The following UMOD variants were observed in gnomAD, a reference collection of about 807,000 sequenced individuals.
The protein encoded by UMOD is uromodulin.
A neutral mutation model predicts 66.0 loss-of-function variants in UMOD; 64 were observed. The observed-to-expected ratio is 0.97, with a 90% CI of 0.79 to 1.19. The LOEUF (loss-of-function observed/expected upper bound fraction) is 1.19, where lower values mean the gene tolerates loss of function less well. Among genes scored for constraint, UMOD ranks in the 50% most tolerant of loss-of-function variants. The pLI is 0.00. For synonymous variants in UMOD, 398 were observed against 352.7 expected (o/e 1.13, Z -1.44); for missense variants, 764 against 850.9 (o/e 0.90, Z 1.27).
chr16:20,355,651 C>T (rs1025076073), upstream of UMOD, among the ~76,000 whole-genome samples: 23 of 152,014 alleles, frequency 1.5e-4, no homozygotes, highest in African/African-American at 4.3e-4. Flanking sequence ...CTGCCTGCCT[C>T]GGCCTCCCAA....
intron 7 of UMOD, among the ~76,000 whole-genome samples, chr16:20,337,989 G>A (rs886512495): frequency 2.6e-5 from 4 of 152,210 alleles, no homozygotes; most frequent in Non-Finnish European, 5.9e-5. Context: ...CATGTGCTGG[G>A]CTGGGTCAGG....
In UMOD at chr16:20,337,437, C is replaced by A. The variant is rs770430928; in HGVS notation, c.1594G>T (p.Asp532Tyr). 6.2e-7 allele frequency: 1 copy of A among 1,614,156 alleles called. No individual in the cohort carries two copies. The highest frequency in any genetic ancestry group is 8.5e-7 in the Non-Finnish European group (1 of 1,180,032). Residue 532 changes from aspartate (D) to tyrosine (Y), a missense_variant, in exon 8 of 11, where the codon GAC (aspartate) becomes TAC (tyrosine). Physicochemically the swap from Asp to Tyr is radical, Grantham distance 160. Coordinates refer to ENST00000396138, the MANE Select transcript of UMOD (RefSeq NM_003361.4). Reference protein sequence around the residue: ...IIQDRCPHTRDSTIQVVENGE... With the variant: ...IIQDRCPHTRYSTIQVVENGE... Reference sequence around the variant, plus strand: ...TTCTCCACCACTTGGATAGTTGAGTCTCTAGTGTGTGGGCATCTGGGAGGG... The same window carrying A: ...TTCTCCACCACTTGGATAGTTGAGTATCTAGTGTGTGGGCATCTGGGAGGG...
At chr16:20,346,930 G>A (rs1010133151) in intron 4 of UMOD, among the ~76,000 whole-genome samples, 1 of 151,940 alleles carries the variant, frequency 6.6e-6, no homozygotes, top group African/African-American at 2.4e-5. Flanking sequence ...CAAGCAAGCT[G>A]CAATTACTTT....
intron 10 of UMOD, among the ~76,000 whole-genome samples, chr16:20,333,685 T>A (rs1437869848): frequency 6.6e-6 from 1 of 151,884 alleles, no homozygotes; most frequent in Non-Finnish European, 1.5e-5. Context: ...CTCTTAGGAG[T>A]GCTGTGACTC....
chr16:20,352,750 T>G, upstream of UMOD: 1 of 1,231,590 alleles, frequency 8.1e-7, no homozygotes, highest in Non-Finnish European at 1.0e-6. Context: ...ATATACACAT[T>G]TGCCCCAGGC....
chr16:20,350,559 C>A, intron 2 of UMOD, 91 bp downstream of exon 2: 1 of 1,493,970 alleles, frequency 6.7e-7, no homozygotes, highest in Non-Finnish European at 9.2e-7. Context: ...GGATTGAGAT[C>A]ACCTCTGACA....
chr16:20,342,778 G>A (rs1011314536), intron 6 of UMOD, among the ~76,000 whole-genome samples: 2 of 152,186 alleles, frequency 1.3e-5, no homozygotes, highest in African/African-American at 4.8e-5. Flanking sequence ...AGAGTTTGAT[G>A]AGATGTTCCA....
rs1965394057 is a variant in UMOD, at chr16:20,344,079, A to T, written c.1276T>A (p.Ser426Thr). ...CTGACTTTCATGTCCAGGGGGTAGG[A>T]GCATGCAAAGTTGATTTTGATGTTG... Reference protein sequence around the residue: ...DLNIKINFACSYPLDMKVSLK... With the variant: ...DLNIKINFACTYPLDMKVSLK... Residue 426 changes from serine (S) to threonine (T), a missense_variant, in exon 6 of 11, where the codon TCC becomes ACC. Physicochemically the swap from Ser to Thr is moderately conservative, Grantham distance 58 (BLOSUM62 1). Coordinates refer to ENST00000396138, the MANE Select transcript of UMOD (RefSeq NM_003361.4). 6.2e-7 allele frequency: 1 copy of T among 1,612,882 alleles called. No homozygotes were observed. The highest frequency in any genetic ancestry group is 1.1e-5 in the South Asian group (1 of 91,026).
intron 8 of UMOD, 115 bp downstream of exon 8, chr16:20,337,176 C>T: frequency 2.1e-6 from 3 of 1,401,302 alleles, no homozygotes; most frequent in East Asian, 4.9e-5. Flanking sequence ...CATCTTATTG[C>T]TCATTCTATC....
At chr16:20,337,539 C>T (rs1964956009) in intron 7 of UMOD, 86 bp from the exon 8 acceptor site, 2 of 1,559,938 alleles carry the variant, frequency 1.3e-6, no homozygotes, top group Non-Finnish European at 1.8e-6. Context: ...TGCTCTGTCA[C>T]CTTTCAGCTG....
At chr16:20,355,432 C>A (rs139558165), upstream of UMOD, among the ~76,000 whole-genome samples, 3,272 of 142,202 alleles carry the variant, frequency 0.023, 111 homozygotes, top group African/African-American at 0.073. Flanking sequence ...TTAATGGAGT[C>A]TTGCTCTGTC....
At position 20,344,143 on chromosome 16, in the gene UMOD, G is replaced by A; in HGVS notation, c.1212C>T (p.Asn404=). 6.4e-7 allele frequency: 1 copy of A among 1,572,690 alleles called. No individual in the cohort carries two copies. ...TGATCTCATCTGCCAGGTAGAGGGT[G>A]TTGCTGTAAGTGGCATGGGTTTCAT... is the stretch of plus-strand genomic sequence containing the variant. The part of the protein sequence containing the change: ...TRNETHATYS[N]TLYLADEIII... Residue 404 remains asparagine (N), a synonymous_variant, in exon 6 of 11, where the codon AAC becomes AAT. Transcript: ENST00000396138.
chr16:20,335,375 G>A, intron 10 of UMOD, 107 bp downstream of exon 10: 1 of 1,206,242 alleles, frequency 8.3e-7, no homozygotes, highest in Non-Finnish European at 1.2e-6. Context: ...AACGGAACTA[G>A]TAACACCTCC....
Position 20,337,271 on chromosome 16 carries a change from G to T in UMOD, c.1740+20C>A. On this transcript the variant is annotated intron_variant, in intron 8 of 10. Transcript: ENST00000396138. ...GTCTTTGGTTACAAGAGATGGGCTG[G>T]GGGAGGGGAGTCAACTCACAGGCTT... 1 of 1,613,990 alleles carries T rather than the reference G, an allele frequency of 6.2e-7. No homozygotes were observed. The highest frequency in any genetic ancestry group is 1.7e-4 in the Middle Eastern group (1 of 6,054).
Position 20,348,544 on chromosome 16 carries a change from C to T in UMOD, c.757G>A (p.Gly253Ser), listed in dbSNP as rs1425081285. 2 of 1,600,920 alleles carry T rather than the reference C, an allele frequency of 1.2e-6. No individual in the cohort carries two copies. The highest frequency in any genetic ancestry group is 1.7e-5 in the Admixed American group (1 of 58,988). Residue 253 changes from glycine (G) to serine (S), a missense_variant, in exon 3 of 11, where the codon GGC (glycine) becomes AGC (serine). Coordinates refer to ENST00000396138, the MANE Select transcript of UMOD (RefSeq NM_003361.4). Reference protein sequence around the residue: ...VSRKACAHWSGHCCLWDASVQ... With the variant: ...VSRKACAHWSSHCCLWDASVQ... ...GACGCATCCCACAGGCAGCAGTGGC[C>T]GCTCCAGTGCGCGCAGGCCTTGCGG... is the stretch of plus-strand genomic sequence containing the variant.
chr16:20,347,305 G>A (rs190867675), intron 4 of UMOD, among the ~76,000 whole-genome samples: 1 of 152,300 alleles, frequency 6.6e-6, no homozygotes, highest in Admixed American at 6.5e-5. Flanking sequence ...TTACAGGCAT[G>A]AGCCACTGCG....
Position 20,350,830 on chromosome 16 carries a change from G to A in UMOD, c.-93C>T. ...TTGAATTTTTCTCTCTGTCTCTGAT[G>A]TCTGGTGTCCTGTGAACAGAGATGG... On this transcript the variant is annotated 5_prime_UTR_variant, in exon 2 of 11. Transcript: ENST00000396138. 2 of 1,579,458 alleles carry A rather than the reference G, an allele frequency of 1.3e-6. No individual in the cohort carries two copies. The highest frequency in any genetic ancestry group is 1.7e-6 in the Non-Finnish European group (2 of 1,163,310).
intron 2 of UMOD, among the ~76,000 whole-genome samples, chr16:20,349,500 C>T (rs761197062): frequency 1.5e-4 from 23 of 152,116 alleles, no homozygotes; most frequent in Non-Finnish European, 2.6e-4. Flanking sequence ...CATAGCTCAC[C>T]ATAGCCTCCA....
At chr16:20,337,560 G>A in intron 7 of UMOD, 107 bp from the exon 8 acceptor site, 1 of 1,411,320 alleles carries the variant, frequency 7.1e-7, no homozygotes, top group Non-Finnish European at 9.9e-7. Flanking sequence ...TGTGACTTTG[G>A]GCAACTTATT....
Sources: gnomAD v4.1 joint callset for allele counts (sites outside exome capture counted in the v4.1 genomes callset) on GRCh38, gnomAD v4.1.1 for gene constraint, MANE v1.5 for transcripts, NCBI Gene and HGNC (gene_info 2026-07-23, HGNC 2026-07-21) for gene names.